The following ITPRID1 variants were observed in gnomAD, a reference collection of about 807,000 sequenced individuals.
The protein encoded by ITPRID1 is ITPR interacting domain containing 1.
Under a neutral mutation model 95.4 loss-of-function variants are expected in ITPRID1, and 96 were observed. The ratio of observed to expected loss-of-function variants is 1.01; its 90% CI spans 0.85 to 1.19. The LOEUF (loss-of-function observed/expected upper bound fraction) is 1.19, where lower values mean the gene tolerates loss of function less well. Ranked by LOEUF, ITPRID1 falls within the 50% of genes most tolerant of loss-of-function variation. The pLI is 0.00. For synonymous variants in ITPRID1, 510 were observed against 453.6 expected (o/e 1.12, Z -1.58); for missense variants, 1,339 against 1,252.9 (o/e 1.07, Z -1.04).
chr7:31,598,282 G>T (rs189743359), intron 10 of ITPRID1, among the ~76,000 whole-genome samples: 11 of 151,690 alleles, frequency 7.3e-5, no homozygotes, highest in Admixed American at 2.6e-4. Context: ...TGTCAACATT[G>T]GTTCATCAAA....
intron 10 of ITPRID1, among the ~76,000 whole-genome samples, chr7:31,623,057 G>T (rs922350648): frequency 6.6e-6 from 1 of 152,182 alleles, no homozygotes; most frequent in African/African-American, 2.4e-5. Flanking sequence ...AAACCAGGAA[G>T]AAGTTGAATC....
At chr7:31,606,259 C>A (rs1416133118) in intron 10 of ITPRID1, among the ~76,000 whole-genome samples, 1 of 151,882 alleles carries the variant, frequency 6.6e-6, no homozygotes, top group South Asian at 2.1e-4. Context: ...CCTAGGGGTC[C>A]AAAAATCCTG....
chr7:31,546,989 A>C (rs1430356942), intron 1 of ITPRID1, among the ~76,000 whole-genome samples: 9 of 152,128 alleles, frequency 5.9e-5, no homozygotes, highest in Admixed American at 2.6e-4. Flanking sequence ...GGTAGGAGAA[A>C]ATCTTAGAGA....
chr7:31,641,434 C>T (rs1790007414), intron 10 of ITPRID1, among the ~76,000 whole-genome samples: 1 of 152,092 alleles, frequency 6.6e-6, no homozygotes, highest in East Asian at 1.9e-4. Context: ...CCTATTAGAG[C>T]CTATACTGTG....
intron 10 of ITPRID1, among the ~76,000 whole-genome samples, chr7:31,588,768 A>G (rs1785737095): frequency 6.6e-6 from 1 of 152,088 alleles, no homozygotes; most frequent in African/African-American, 2.4e-5. Context: ...AATTCTAGGA[A>G]TTAAATCTGT....
intron 10 of ITPRID1, among the ~76,000 whole-genome samples, chr7:31,639,424 C>T (rs1789798888): frequency 1.3e-5 from 1 of 79,494 alleles, no homozygotes; most frequent in African/African-American, 6.5e-5. Flanking sequence ...CATCTCTAGA[C>T]ATTCAATTTG....
At chr7:31,611,494 A>G (rs1786867054) in intron 10 of ITPRID1, among the ~76,000 whole-genome samples, 1 of 151,760 alleles carries the variant, frequency 6.6e-6, no homozygotes, top group African/African-American at 2.4e-5. Context: ...AAGGACTTTC[A>G]TTAGTTTTTC....
In ITPRID1 at chr7:31,572,167, C is replaced by G. The variant is rs758756741; in HGVS notation, c.374C>G (p.Ser125Cys). 6.2e-7 allele frequency: 1 copy of G among 1,608,492 alleles called. No individual in the cohort carries two copies. Among genetic ancestry groups the G allele is most frequent in the Non-Finnish European group, 8.5e-7 (1 of 1,175,564 alleles). The change falls in exon 7 of 15, where the codon TCT becomes TGT. Residue 125 changes from serine (S) to cysteine (C), a missense_variant. Coordinates refer to ENST00000615280, the MANE Select transcript of ITPRID1 (RefSeq NM_001257967.3). The stretch of plus-strand genomic sequence containing the variant: ...GGGACCAGTTTCAACTCTTGCTATT[C>G]TACTGCAAGTGTACCACAAAGGTAT... ...SRGTSFNSCY[S>C]TASVPQSIPE...
In ITPRID1 at chr7:31,655,968, A is replaced by G. The variant is rs1023245420; in HGVS notation, c.*3139A>G. 1.7e-5 allele frequency: 17 copies of G among 985,258 alleles called. No individual in the cohort carries two copies. Among genetic ancestry groups the G allele is most frequent in the Non-Finnish European group, 1.9e-5 (16 of 829,942 alleles). 61.0% of individuals were successfully genotyped at this position (985,258 alleles called of 1,614,324 possible). ...ATCCCTCAGATGAATCTCCAATTCT[A>G]TTCCCCTAAACCACCTCCTGTGTTC... On this transcript the variant is annotated 3_prime_UTR_variant, in exon 15 of 15. Transcript: ENST00000615280.
chr7:31,625,964 TA>T (rs1441888218), intron 10 of ITPRID1, among the ~76,000 whole-genome samples: 1 of 152,208 alleles, frequency 6.6e-6, no homozygotes, highest in African/African-American at 2.4e-5. Context: ...AATTTGGTGA[TA>T]ATAAATATCT....
chr7:31,520,515 TTGTGTGTGTGTGTGTGTGTGTGTGTGTG>T (rs57709822), intron 1 of ITPRID1, among the ~76,000 whole-genome samples: 3 of 135,562 alleles, frequency 2.2e-5, no homozygotes, highest in Non-Finnish European at 3.1e-5. Flanking sequence ...TACCACATCA[TTGTGTGTGTGTGTGTGTGTGTGTGTGTG>T]TGTGTGTGTG....
At chr7:31,547,667 T>C (rs899616452) in intron 1 of ITPRID1, among the ~76,000 whole-genome samples, 7 of 151,972 alleles carry the variant, frequency 4.6e-5, no homozygotes, top group Admixed American at 3.9e-4. Flanking sequence ...AGTGCTTTAA[T>C]GTGGGAATGA....
At chr7:31,656,914 C>T (rs1733968172), downstream of ITPRID1, among the ~76,000 whole-genome samples, 1 of 151,528 alleles carries the variant, frequency 6.6e-6, no homozygotes, top group Admixed American at 6.6e-5. Context: ...CCTTTGCTGT[C>T]TTCAGTGCAT....
chr7:31,575,833 C>T (rs1583519489), intron 8 of ITPRID1, among the ~76,000 whole-genome samples: 2 of 152,170 alleles, frequency 1.3e-5, no homozygotes, highest in African/African-American at 4.8e-5. Flanking sequence ...TTTTAGCTCC[C>T]GTTTCTCCGT....
chr7:31,526,411 G>C (rs1159934676), intron 1 of ITPRID1, among the ~76,000 whole-genome samples: 1 of 152,156 alleles, frequency 6.6e-6, no homozygotes, highest in Non-Finnish European at 1.5e-5. Context: ...AGTCAGACTA[G>C]TTGTAGGGGA....
In ITPRID1 at chr7:31,642,685, C is replaced by A; in HGVS notation, c.1315C>A (p.Pro439Thr). 6.2e-7 allele frequency: 1 copy of A among 1,612,860 alleles called. No individual in the cohort carries two copies. Among genetic ancestry groups the A allele is most frequent in the Non-Finnish European group, 8.5e-7 (1 of 1,179,222 alleles). Residue 439 changes from proline (P) to threonine (T), a missense_variant, in exon 12 of 15, where the codon CCT (proline) becomes ACT (threonine). By Grantham distance (38) the Pro-to-Thr change is conservative. Coordinates refer to ENST00000615280, the MANE Select transcript of ITPRID1 (RefSeq NM_001257967.3). ...TTTGTCCTGGTTTCCCCTACAGATG[C>A]CTTCCTTGCCAAACAGCCAGAGTCC... Reference protein sequence around the residue: ...EPLEPLPLQMPSLPNSQSPAE... With the variant: ...EPLEPLPLQMTSLPNSQSPAE...
intron 5 of ITPRID1, among the ~76,000 whole-genome samples, chr7:31,556,039 C>T (rs1292870344): frequency 6.6e-6 from 1 of 151,978 alleles, no homozygotes; most frequent in Admixed American, 6.6e-5. Flanking sequence ...ATTTCATATC[C>T]CCCTAATGTT....
chr7:31,656,457 T>C lies in ITPRID1; in HGVS notation c.*3628T>C. The C allele has an allele frequency of 1.0e-6, 1 of 968,184 alleles. No homozygotes were observed. Among genetic ancestry groups the C allele is most frequent in the Non-Finnish European group, 1.2e-6 (1 of 814,134 alleles). 60.0% of individuals were successfully genotyped at this position (968,184 alleles called of 1,614,324 possible). A position where few individuals can be genotyped will look rare whatever the true frequency, so the allele number is the denominator to read the frequency against. ...TAGTAAGTGTTCAATGCATGTTGGC[T>C]ATTATTACAAGTGCACATACCAAGA... On this transcript the variant is annotated 3_prime_UTR_variant, in exon 15 of 15. Transcript: ENST00000615280.
intron 1 of ITPRID1, among the ~76,000 whole-genome samples, chr7:31,515,969 A>G (rs1028970963): frequency 6.6e-6 from 1 of 152,268 alleles, no homozygotes; most frequent in African/African-American, 2.4e-5. Flanking sequence ...CAGGCTAGAT[A>G]TTTGTACCTT....
Sources: allele counts gnomAD v4.1 joint callset (sites outside exome capture counted in the v4.1 genomes callset), GRCh38; gene constraint gnomAD v4.1.1; transcripts MANE v1.5; gene names NCBI Gene and HGNC (gene_info 2026-07-23, HGNC 2026-07-21).